ZNF420: variants seen among roughly 807,000 people sequenced by gnomAD.
ZNF420 encodes zinc finger protein 420.
In ZNF420, 31 loss-of-function variants were observed where a neutral mutation model predicts 44.7. The ratio of observed to expected loss-of-function variants is 0.69; its 90% CI spans 0.52 to 0.94. ZNF420 has a LOEUF of 0.94. Among genes scored for constraint, ZNF420 ranks in the 40% least tolerant of loss-of-function variants. ZNF420 has a pLI of 0.00. For synonymous variants in ZNF420, 245 were observed against 267.4 expected (o/e 0.92, Z 0.82); for missense variants, 681 against 827.9 (o/e 0.82, Z 2.18).
At chr19:37,019,768 A>AC (rs1555744866) in intron 1 of ZNF420, among the ~76,000 whole-genome samples, 1 of 111,376 alleles carries the variant, frequency 9.0e-6, no homozygotes, top group African/African-American at 3.7e-5. Flanking sequence ...CTCATCTGTC[A>AC]CAAAAAAAAA....
At chr19:37,074,860 AG>A (rs2146459589), upstream of ZNF420, among the ~76,000 whole-genome samples, 1 of 152,358 alleles carries the variant, frequency 6.6e-6, no homozygotes, top group South Asian at 2.1e-4. Flanking sequence ...ATCTAAGTAA[AG>A]GATACACAGT....
rs879357264 is a variant in ZNF420, at chr19:37,026,377, A to G, written c.-125+18295A>G. On this transcript the variant is annotated intron_variant, in intron 1 of 4. Coordinates refer to the ZNF420 transcript ENST00000587029. ...CTCTTGTTGCCCAGGCTGGAGTGCAATGGGGTGATCTGGGCTCACTGCACC... is the reference window on the plus strand; with the variant it reads ...CTCTTGTTGCCCAGGCTGGAGTGCAGTGGGGTGATCTGGGCTCACTGCACC... Among the ~76,000 whole-genome samples, 345 of 150,070 alleles carry G rather than the reference A, an allele frequency of 2.3e-3. 1 individual carries two copies. Among genetic ancestry groups the G allele is most frequent in the Non-Finnish European group, 3.6e-3 (244 of 67,590 alleles).
At position 37,129,741 on chromosome 19, in the gene ZNF420, T is replaced by C; in HGVS notation, c.*683T>C. 1 of 146,220 alleles carries C rather than the reference T, an allele frequency of 6.8e-6. No homozygotes were observed. The highest frequency in any genetic ancestry group is 1.2e-5 in the Non-Finnish European group (1 of 81,532). The allele number at this position is 146,220 out of a possible 1,614,324, so 9.1% of individuals were successfully genotyped here. On this transcript the variant is annotated 3_prime_UTR_variant, in exon 5 of 5. Transcript: ENST00000337995. ...AAAAACCCAGTGGATATAATCAGTGTATTATTAAAAAAAAAAAAACCCAGT... is the reference window on the plus strand; with the variant it reads ...AAAAACCCAGTGGATATAATCAGTGCATTATTAAAAAAAAAAAAACCCAGT...
rs542198393 is a variant in ZNF420 at position 37,013,378 on chromosome 19, TG to T, written c.-125+5300del. Among the ~76,000 whole-genome samples the T allele has an allele frequency of 2.1e-3, 314 of 152,280 alleles. 1 individual carries two copies. Among genetic ancestry groups the T allele is most frequent in the Non-Finnish European group, 3.9e-3 (265 of 68,022 alleles). On this transcript the variant is annotated intron_variant, in intron 1 of 4. Coordinates refer to the ZNF420 transcript ENST00000587029. The stretch of plus-strand genomic sequence containing the variant: ...CGTCTTAATGATCCCCTCCATCGTC[TG>T]GGGAATGGGTCCCTGAGGCTTGCCG...
rs1013321943 is a variant in ZNF420, at chr19:37,087,685, G to A, written c.-80-1354G>A. On this transcript the variant is annotated intron_variant, in intron 2 of 4. Coordinates refer to ENST00000337995, the MANE Select transcript of ZNF420 (RefSeq NM_144689.5). ...GTTTGAGACAGAGTCTCACTCTGTC[G>A]CCCAGGCTGGAGTGCAGTGGCGCGA... Among the ~76,000 whole-genome samples, 14 of 152,198 alleles carry A rather than the reference G, an allele frequency of 9.2e-5. No individual in the cohort carries two copies. In the East Asian group the frequency reaches 1.2e-3, roughly 13 times the overall value.
intron 1 of ZNF420, among the ~76,000 whole-genome samples, chr19:37,028,217 A>G (rs1967188558): frequency 6.6e-6 from 1 of 152,178 alleles, no homozygotes; most frequent in Non-Finnish European, 1.5e-5. Context: ...TTTGCTACCT[A>G]TATAGCAAAG....
At chr19:37,010,144 C>T (rs2074557616) in intron 1 of ZNF420, among the ~76,000 whole-genome samples, 1 of 152,204 alleles carries the variant, frequency 6.6e-6, no homozygotes, top group South Asian at 2.1e-4. Flanking sequence ...GTCCCTGAGG[C>T]TTGGCAAAGC....
intron 2 of ZNF420, among the ~76,000 whole-genome samples, chr19:37,088,557 A>G (rs1177293236): frequency 2.6e-5 from 4 of 152,192 alleles, no homozygotes; most frequent in African/African-American, 7.2e-5. Context: ...ATGCATTTCT[A>G]TTTATTCTAT....
intron 1 of ZNF420, among the ~76,000 whole-genome samples, chr19:37,012,758 A>ATGTGTGTGTG (rs1162223396): frequency 3.0e-5 from 3 of 100,102 alleles, no homozygotes; most frequent in Non-Finnish European, 6.5e-5. Context: ...TGCCACTGCT[A>ATGTGTGTGTG]TATGTCTCTG....
Position 37,129,114 on chromosome 19 carries a change from G to T in ZNF420, c.*56G>T. The T allele has an allele frequency of 1.3e-6, 2 of 1,550,990 alleles. No homozygotes were observed. Among genetic ancestry groups the T allele is most frequent in the Non-Finnish European group, 1.7e-6 (2 of 1,147,916 alleles). On this transcript the variant is annotated 3_prime_UTR_variant, in exon 5 of 5. Transcript: ENST00000337995. The stretch of plus-strand genomic sequence containing the variant: ...AGGTTCTCTGGTTGTTAGCAGCAAA[G>T]AATTCTCACAAATGTGAATATGGGC...
chr19:37,054,398 G>A (rs1967703898), intron 1 of ZNF420, among the ~76,000 whole-genome samples: 1 of 152,228 alleles, frequency 6.6e-6, no homozygotes, highest in East Asian at 1.9e-4. Flanking sequence ...CCAGTGAGAT[G>A]AGCCTGGTAT....
chr19:37,109,273 A>G (rs906113540), intron 4 of ZNF420: 1 of 152,226 alleles, frequency 6.6e-6, no homozygotes, highest in Admixed American at 6.5e-5. Flanking sequence ...TGTTATTAAC[A>G]TATACTTCAA....
rs150206125 is a variant in ZNF420 at position 37,042,190 on chromosome 19, G to A, written c.-125+34108G>A. ...ATTTTTGTATTTTTAATAGAGACAG[G>A]GTTTCACCATCTTGGCCAGGCTGGT... On this transcript the variant is annotated intron_variant, in intron 1 of 4. Coordinates refer to the ZNF420 transcript ENST00000587029. 3.2e-3 allele frequency among the ~76,000 whole-genome samples: 490 copies of A among 152,246 alleles called. 5 individuals carry two copies. The highest frequency in any genetic ancestry group is 0.011 in the African/African-American group (471 of 41,534).
intron 4 of ZNF420, among the ~76,000 whole-genome samples, chr19:37,100,563 A>G (rs554296772): frequency 6.6e-6 from 1 of 152,218 alleles, no homozygotes; most frequent in South Asian, 2.1e-4. Context: ...AAATACAAAA[A>G]ATTGCTGGGT....
chr19:37,123,703 A>G (rs570674620), intron 4 of ZNF420, among the ~76,000 whole-genome samples: 30 of 139,910 alleles, frequency 2.1e-4, no homozygotes, highest in Non-Finnish European at 3.9e-4. Context: ...TCCTGGTTCA[A>G]GTGATTCTCC....
chr19:37,017,255 T>C (rs544701851), intron 1 of ZNF420, among the ~76,000 whole-genome samples: 1 of 152,168 alleles, frequency 6.6e-6, no homozygotes, highest in Non-Finnish European at 1.5e-5. Context: ...GTGAGAGTAG[T>C]CTTGTGGGAC....
At position 37,046,197 on chromosome 19, in the gene ZNF420, C is replaced by G. The variant is rs1257773662; in HGVS notation, c.-124-34148C>G. Reference sequence around the variant, plus strand: ...ACCAAATATGGAGAGACTGGATCAACAAGATCATCTCAAACTAATACAGGA... The same window carrying G: ...ACCAAATATGGAGAGACTGGATCAAGAAGATCATCTCAAACTAATACAGGA... On this transcript the variant is annotated intron_variant, in intron 1 of 4. Coordinates refer to the ZNF420 transcript ENST00000587029. Among the ~76,000 whole-genome samples the G allele has an allele frequency of 3.9e-5, 6 of 152,262 alleles. No individual in the cohort carries two copies. The South Asian group carries it at 1.0e-3, about 26-fold the overall frequency.
chr19:37,098,182 G>C (rs915472875), intron 4 of ZNF420, among the ~76,000 whole-genome samples: 28 of 151,998 alleles, frequency 1.8e-4, no homozygotes, highest in African/African-American at 6.8e-4. Flanking sequence ...GAACTCCTGG[G>C]CTCAGGCAAT....
At chr19:37,115,760 G>A (rs1346548514) in intron 4 of ZNF420, among the ~76,000 whole-genome samples, 1 of 151,808 alleles carries the variant, frequency 6.6e-6, no homozygotes, top group Non-Finnish European at 1.5e-5. Context: ...GTGTTGGGCT[G>A]GGGGGCGGTC....
Sources: allele counts gnomAD v4.1 joint callset (sites outside exome capture counted in the v4.1 genomes callset), GRCh38; gene constraint gnomAD v4.1.1; transcripts MANE v1.5; gene names NCBI Gene and HGNC (gene_info 2026-07-23, HGNC 2026-07-21).